HDHD2: variants seen among roughly 807,000 people sequenced by gnomAD.
HDHD2 encodes the protein haloacid dehalogenase-like hydrolase domain-containing protein 2.
Under a neutral mutation model 24.8 loss-of-function variants are expected in HDHD2, and 26 were observed. The ratio of observed to expected loss-of-function variants is 1.05; its 90% CI spans 0.77 to 1.45. The LOEUF (loss-of-function observed/expected upper bound fraction) is 1.45. Among genes scored for constraint, HDHD2 ranks in the 40% most tolerant of loss-of-function variants. The probability of loss-of-function intolerance (pLI) is 0.00; values close to 1 mark genes in which losing one functional copy is unlikely to be tolerated. For missense variants in HDHD2, 299 were observed against 313.4 expected (o/e 0.95, Z 0.35); for synonymous variants, 128 against 114.9 (o/e 1.11, Z -0.73).
At chr18:47,144,269 A>G (rs2063846612) in intron 1 of HDHD2, among the ~76,000 whole-genome samples, 1 of 152,196 alleles carries the variant, frequency 6.6e-6, no homozygotes, top group Non-Finnish European at 1.5e-5. Flanking sequence ...GGAATAAAAG[A>G]TAAACTCAGA....
chr18:47,125,758 C>T (rs1049884310), intron 4 of HDHD2, among the ~76,000 whole-genome samples: 2 of 151,988 alleles, frequency 1.3e-5, no homozygotes, highest in African/African-American at 2.4e-5. Context: ...AGGGAGCCAC[C>T]AAGGATGCTG....
intron 4 of HDHD2, among the ~76,000 whole-genome samples, chr18:47,129,889 C>T (rs1271768521): frequency 2.6e-5 from 4 of 152,048 alleles, no homozygotes; most frequent in African/African-American, 7.2e-5. Flanking sequence ...CCCTGAGTAA[C>T]GTGGCGAAAC....
intron 4 of HDHD2, among the ~76,000 whole-genome samples, chr18:47,124,455 C>G (rs2063637252): frequency 6.6e-6 from 1 of 152,076 alleles, no homozygotes; most frequent in Non-Finnish European, 1.5e-5. Context: ...GCCTGTAATC[C>G]CAGCACTTTG....
intron 6 of HDHD2, chr18:47,110,832 A>G (rs2063510005): frequency 1.0e-6 from 1 of 985,202 alleles, no homozygotes; most frequent in Non-Finnish European, 1.2e-6. Flanking sequence ...ACTGTTTCAC[A>G]TGCTAAACAA....
intron 3 of HDHD2, among the ~76,000 whole-genome samples, chr18:47,132,092 T>C (rs2063718689): frequency 6.6e-6 from 1 of 152,184 alleles, no homozygotes; most frequent in African/African-American, 2.4e-5. Context: ...AGGTAACCAT[T>C]TTTATTAGTT....
At chr18:47,122,677 T>C (rs975381140) in intron 4 of HDHD2, among the ~76,000 whole-genome samples, 3 of 152,134 alleles carry the variant, frequency 2.0e-5, no homozygotes, top group East Asian at 3.9e-4. Flanking sequence ...ATTTAATTAA[T>C]TGAAACCCCA....
rs531418812 is a variant in HDHD2, at chr18:47,141,412, C to A, written c.-10-4963G>T. ...TTATGATATTTGCCAGGTTTTTCCACATTCAGTATTTTTCCCTTTCACATT... is the reference window on the plus strand; with the variant it reads ...TTATGATATTTGCCAGGTTTTTCCAAATTCAGTATTTTTCCCTTTCACATT... On this transcript the variant is annotated intron_variant, in intron 1 of 6. Coordinates refer to ENST00000300605, the MANE Select transcript of HDHD2 (RefSeq NM_032124.5). Among the ~76,000 whole-genome samples the A allele has an allele frequency of 2.0e-4, 31 of 152,286 alleles. 1 individual carries two copies. The South Asian group carries it at 6.4e-3, about 32-fold the overall frequency.
intron 1 of HDHD2, among the ~76,000 whole-genome samples, chr18:47,138,454 T>C (rs1166733056): frequency 4.6e-5 from 7 of 152,166 alleles, no homozygotes; most frequent in African/African-American, 1.2e-4. Flanking sequence ...TGAAGAGACA[T>C]GGCATCTAAA....
intron 1 of HDHD2, among the ~76,000 whole-genome samples, chr18:47,138,901 T>C (rs1178067232): frequency 6.6e-6 from 1 of 152,194 alleles, no homozygotes; most frequent in Non-Finnish European, 1.5e-5. Flanking sequence ...GTTTAGATCA[T>C]ACCCTTTACA....
intron 3 of HDHD2, among the ~76,000 whole-genome samples, chr18:47,133,735 G>C (rs1308136854): frequency 2.0e-5 from 3 of 152,104 alleles, no homozygotes; most frequent in African/African-American, 7.2e-5. Flanking sequence ...GGCCAGTGAT[G>C]ATGAGCATTT....
At chr18:47,146,525 C>G (rs955981270) in intron 1 of HDHD2, among the ~76,000 whole-genome samples, 1 of 152,100 alleles carries the variant, frequency 6.6e-6, no homozygotes, top group Non-Finnish European at 1.5e-5. Context: ...TCACAGTGTA[C>G]CATGATACAT....
In HDHD2 at chr18:47,139,527, T is replaced by C. The variant is rs187693293; in HGVS notation, c.-10-3078A>G. 2.3e-3 allele frequency among the ~76,000 whole-genome samples: 354 copies of C among 151,556 alleles called. 1 individual carries two copies. Among genetic ancestry groups the C allele is most frequent in the African/African-American group, 8.3e-3 (341 of 41,232 alleles). On this transcript the variant is annotated intron_variant, in intron 1 of 6. Transcript: ENST00000300605. The stretch of plus-strand genomic sequence containing the variant: ...GTACATTGATAAATGTAAGTAAGTG[T>C]TTCCCTGAATTTGGTGAGCTGTGCT...
At chr18:47,121,650 A>G (rs999102648) in intron 4 of HDHD2, among the ~76,000 whole-genome samples, 11 of 152,142 alleles carry the variant, frequency 7.2e-5, no homozygotes, top group African/African-American at 2.7e-4. Context: ...ATAGCTTCTC[A>G]TGGCAACCAG....
intron 3 of HDHD2, among the ~76,000 whole-genome samples, chr18:47,133,537 ATCC>A (rs2063734205): frequency 1.4e-5 from 2 of 146,416 alleles, no homozygotes; most frequent in African/African-American, 5.1e-5. Flanking sequence ...CTAGTTCTAG[ATCC>A]TTGAGGAATC....
At chr18:47,137,498 C>T (rs2063777076) in intron 1 of HDHD2, among the ~76,000 whole-genome samples, 1 of 152,100 alleles carries the variant, frequency 6.6e-6, no homozygotes, top group Non-Finnish European at 1.5e-5. Flanking sequence ...ATTTTTTTAA[C>T]TAAATAGCCA....
At chr18:47,110,833 T>C (rs992257697) in intron 6 of HDHD2, 32 of 985,082 alleles carry the variant, frequency 3.2e-5, no homozygotes, top group Non-Finnish European at 3.7e-5. Context: ...CTGTTTCACA[T>C]GCTAAACAAA....
At chr18:47,150,284 G>T (rs533778312) in intron 1 of HDHD2, 94 bp downstream of exon 1, 1 of 152,404 alleles carries the variant, frequency 6.6e-6, no homozygotes, top group African/African-American at 2.4e-5. Flanking sequence ...CGGCCTGGGG[G>T]CGCCACTAGT....
At chr18:47,118,456 C>T (rs1017911070) in intron 4 of HDHD2, among the ~76,000 whole-genome samples, 11 of 152,264 alleles carry the variant, frequency 7.2e-5, no homozygotes, top group Admixed American at 1.3e-4. Context: ...TGCAGGGACA[C>T]GGATGGAGCT....
At chr18:47,134,785 G>A in intron 2 of HDHD2, 81 bp from the exon 3 acceptor site, 1 of 1,153,430 alleles carries the variant, frequency 8.7e-7, no homozygotes, top group Non-Finnish European at 1.3e-6. Flanking sequence ...TTAAAACTGT[G>A]CCAAATGTTT....
Sources: gnomAD v4.1 joint callset for allele counts (sites outside exome capture counted in the v4.1 genomes callset) on GRCh38, gnomAD v4.1.1 for gene constraint, MANE v1.5 for transcripts, NCBI Gene and HGNC (gene_info 2026-07-23, HGNC 2026-07-21) for gene names.